GSN: variants seen among roughly 807,000 people sequenced by gnomAD.
GSN encodes gelsolin.
A neutral mutation model predicts 85.7 loss-of-function variants in GSN; 56 were observed. The ratio of observed to expected loss-of-function variants is 0.65; its 90% CI spans 0.53 to 0.82. The LOEUF (loss-of-function observed/expected upper bound fraction) is 0.82. GSN is among the 40% of genes least tolerant of loss of function. GSN has a pLI of 0.00. For missense variants in GSN, 857 were observed against 979.8 expected (o/e 0.87, Z 1.67); for synonymous variants, 373 against 399.1 (o/e 0.93, Z 0.78).
chr9:121,237,181 A>C (rs1011838140), intron 5 of GSN, among the ~76,000 whole-genome samples: 3 of 152,210 alleles, frequency 2.0e-5, no homozygotes, highest in African/African-American at 7.2e-5. Context: ...AAGACACAGG[A>C]ATCTCAATGC....
chr9:121,204,507 T>C (rs2053852185), upstream of GSN, among the ~76,000 whole-genome samples: 2 of 152,228 alleles, frequency 1.3e-5, no homozygotes, highest in Non-Finnish European at 2.9e-5. Context: ...ACAGTAGGAA[T>C]GGTCAATTCT....
intron 6 of GSN, among the ~76,000 whole-genome samples, chr9:121,256,519 G>A (rs1588497613): frequency 6.6e-6 from 1 of 151,936 alleles, no homozygotes; most frequent in South Asian, 2.1e-4. Context: ...GGCTGGGGAG[G>A]GTAAGGAGGA....
chr9:121,247,668 A>G (rs1370337959), intron 5 of GSN, among the ~76,000 whole-genome samples: 3 of 152,210 alleles, frequency 2.0e-5, no homozygotes, highest in Non-Finnish European at 4.4e-5. Context: ...ATTCATTTGA[A>G]TCAGGAGGAA....
At chr9:121,259,402 G>A (rs1157761439) in intron 6 of GSN, among the ~76,000 whole-genome samples, 1 of 152,166 alleles carries the variant, frequency 6.6e-6, no homozygotes, top group African/African-American at 2.4e-5. Flanking sequence ...GAGGAGACAG[G>A]GAAGGCTTTG....
intron 5 of GSN, chr9:121,238,813 C>A: frequency 1.9e-6 from 1 of 522,862 alleles, no homozygotes; most frequent in South Asian, 1.4e-5. Flanking sequence ...TCAAGAAGAT[C>A]ATCTGAGCTA....
At chr9:121,268,124 C>G (rs2055317425), upstream of GSN, 1 of 151,728 alleles carries the variant, frequency 6.6e-6, no homozygotes, top group African/African-American at 2.4e-5. Flanking sequence ...CCTGCCCACC[C>G]CGGCCGCGCG....
intron 6 of GSN, among the ~76,000 whole-genome samples, chr9:121,257,497 A>T (rs2054989873): frequency 6.6e-6 from 1 of 152,202 alleles, no homozygotes. Context: ...TACTTGCTAG[A>T]ATAACCCCTT....
At position 121,329,246 on chromosome 9, in the gene GSN, G is replaced by C; in HGVS notation, c.1896G>C (p.Glu632Asp). Residue 632 changes from glutamate to aspartate, a missense_variant, in exon 16 of 18, where the codon GAG (glutamate) becomes GAC (aspartate). Transcript: ENST00000432226. This position sits in a 1 kb window ranked among gnomAD's most constrained non-coding sequence, Gnocchi z 4.6. The stretch of plus-strand genomic sequence containing the variant: ...CTTTCGTTCCTTCCCAGATCGAAGA[G>C]GTTCCTGGTGAGCTCATGCAGGAAG... Reference protein sequence around the residue: ...SNKIGRFVIEEVPGELMQEDL... With the variant: ...SNKIGRFVIEDVPGELMQEDL... 1.2e-6 allele frequency: 2 copies of C among 1,610,552 alleles called. No individual in the cohort carries two copies. Among genetic ancestry groups the C allele is most frequent in the Non-Finnish European group, 1.7e-6 (2 of 1,176,738 alleles).
rs1162491762 is a variant in GSN at position 121,212,850 on chromosome 9, T to C, written c.-528+1983T>C. ...TTTTAGTAGAGTAGGGGTTTCGCCATGTTGGCCAGGCTGGTCTCAAACTTC... is the reference window on the plus strand; with the variant it reads ...TTTTAGTAGAGTAGGGGTTTCGCCACGTTGGCCAGGCTGGTCTCAAACTTC... On this transcript the variant is annotated intron_variant, in intron 4 of 24. Transcript: ENST00000373823. Among the ~76,000 whole-genome samples, 6 of 152,086 alleles carry C rather than the reference T, an allele frequency of 3.9e-5. 1 individual carries two copies. The East Asian group carries it at 9.6e-4, about 24-fold the overall frequency.
intron 11 of GSN, among the ~76,000 whole-genome samples, chr9:121,323,663 C>G (rs764826847): frequency 2.0e-4 from 30 of 152,224 alleles, no homozygotes; most frequent in Admixed American, 6.5e-4. Flanking sequence ...AGCCATCGTG[C>G]CCGGCCCCCA....
rs117861271 is a variant in GSN, at chr9:121,251,187, C to T, written c.-341+2864C>T. ...ATAACATACCTACAGCTGATGTGTT[C>T]TTTTTTTTTTTTTGAGATGGATTCT... On this transcript the variant is annotated intron_variant, in intron 6 of 24. Transcript: ENST00000373823. Among the ~76,000 whole-genome samples, 138 of 72,996 alleles carry T rather than the reference C, an allele frequency of 1.9e-3. 1 individual carries two copies. The highest frequency in any genetic ancestry group is 2.4e-3 in the African/African-American group (37 of 15,358). 47.9% of individuals were successfully genotyped at this position (72,996 alleles called of 152,430 possible). A position where few individuals can be genotyped will look rare whatever the true frequency, so the allele number is the denominator to read the frequency against.
intron 5 of GSN, chr9:121,311,217 T>G: frequency 6.1e-6 from 2 of 329,624 alleles, no homozygotes; most frequent in South Asian, 5.6e-5. Context: ...TCGGGTATGT[T>G]GTTTAAGGTC....
chr9:121,266,772 C>T (rs977930989), upstream of GSN, among the ~76,000 whole-genome samples: 1 of 152,094 alleles, frequency 6.6e-6, no homozygotes, highest in Admixed American at 6.5e-5. Context: ...GAATTAAAGT[C>T]GGTAATACGT....
upstream of GSN, among the ~76,000 whole-genome samples, chr9:121,265,451 CAA>C (rs752333256): frequency 5.2e-4 from 79 of 152,346 alleles, no homozygotes; most frequent in Non-Finnish European, 8.4e-4. Context: ...TGTCATGTCT[CAA>C]CTTCCAGCTC....
chr9:121,299,841 TC>T lies in GSN; in HGVS notation c.-9-2118del, dbSNP rs1388461542. The T allele has an allele frequency of 1.5e-6, 2 of 1,348,100 alleles. No individual in the cohort carries two copies. The highest frequency in any genetic ancestry group is 1.9e-6 in the Non-Finnish European group (2 of 1,041,694). The allele number at this position is 1,348,100 out of a possible 1,614,324, so 83.5% of individuals were successfully genotyped here. On this transcript the variant is annotated intron_variant, in intron 2 of 17. Transcript: ENST00000432226. This position sits in a 1 kb window ranked among gnomAD's most constrained non-coding sequence, Gnocchi z 4.2. ...CCCGAGGCCGCGGCTGCCGACTGGG[TC>T]CCCTGCCGCTGTCGCCACCATGGCT...
At chr9:121,249,196 C>T (rs759817186) in intron 6 of GSN, among the ~76,000 whole-genome samples, 2 of 152,096 alleles carry the variant, frequency 1.3e-5, no homozygotes, top group Non-Finnish European at 2.9e-5. Context: ...TGGTGGCTCA[C>T]ACCTGTAATC....
intron 11 of GSN, among the ~76,000 whole-genome samples, chr9:121,323,055 G>T (rs145517803): frequency 6.6e-6 from 1 of 151,936 alleles, no homozygotes; most frequent in East Asian, 1.9e-4. Flanking sequence ...GGCTGGTCTC[G>T]AACTCCTCTA....
intron 4 of GSN, among the ~76,000 whole-genome samples, chr9:121,216,208 A>G (rs1397431056): frequency 1.3e-5 from 2 of 152,040 alleles, no homozygotes; most frequent in Non-Finnish European, 2.9e-5. Flanking sequence ...TCAGCCTCCC[A>G]AAGTTCTGGA....
At position 121,261,168 on chromosome 9, in the gene GSN, T is replaced by A. The variant is rs2055076903; in HGVS notation, c.-340-3986T>A. 6.6e-6 allele frequency among the ~76,000 whole-genome samples: 1 copy of A among 152,244 alleles called. No individual in the cohort carries two copies. The highest frequency in any genetic ancestry group is 6.5e-5 in the Admixed American group (1 of 15,292). On this transcript the variant is annotated intron_variant, in intron 6 of 24. Coordinates refer to the GSN transcript ENST00000373823. The surrounding 1 kb of genome is among the most constrained non-coding windows in gnomAD (Gnocchi z 4.1). The stretch of plus-strand genomic sequence containing the variant: ...CTGGTGGCCTGCGGGGACAGCTGAA[T>A]GCCTTCTGGTCCGCTGAGCCCAGAA...
Sources: allele counts gnomAD v4.1 joint callset (sites outside exome capture counted in the v4.1 genomes callset), GRCh38; gene constraint gnomAD v4.1.1; non-coding constraint Gnocchi (gnomAD v3.1); transcripts MANE v1.5; gene names NCBI Gene and HGNC (gene_info 2026-07-23, HGNC 2026-07-21).